NEIL3: variants seen among roughly 807,000 people sequenced by gnomAD.
The protein encoded by NEIL3 is endonuclease 8-like 3.
In NEIL3, 48 loss-of-function variants were observed where a neutral mutation model predicts 57.5. The observed-to-expected ratio is 0.83, with a 90% CI of 0.66 to 1.06. The LOEUF is 1.06. NEIL3 is among the 50% of genes least tolerant of loss of function. The pLI, the probability that NEIL3 is intolerant of heterozygous loss-of-function variation, is 0.00. For synonymous variants in NEIL3, 261 were observed against 253.2 expected, an observed-to-expected ratio of 1.03 and a Z score of -0.29; for missense variants, 717 against 739.1, an observed-to-expected ratio of 0.97 and a Z score of 0.35.
intron 2 of NEIL3, among the ~76,000 whole-genome samples, chr4:177,324,374 T>C (rs969553645): frequency 1.3e-5 from 2 of 152,090 alleles, no homozygotes; most frequent in Non-Finnish European, 2.9e-5. Context: ...GTGCATCTCA[T>C]AGGTTGGGCC....
downstream of NEIL3, among the ~76,000 whole-genome samples, chr4:177,367,028 G>C (rs942889244): frequency 6.6e-6 from 1 of 152,036 alleles, no homozygotes; most frequent in Admixed American, 6.5e-5. Context: ...TTTTTGCTAA[G>C]ATGTTCTAGT....
In NEIL3 at chr4:177,314,882, T is replaced by C. The variant is rs577118837; in HGVS notation, c.156+4773T>C. Among the ~76,000 whole-genome samples, 178 of 151,606 alleles carry C rather than the reference T, an allele frequency of 1.2e-3. 1 individual carries two copies. Among genetic ancestry groups the C allele is most frequent in the Non-Finnish European group, 2.1e-3 (144 of 67,922 alleles). On this transcript the variant is annotated intron_variant, in intron 1 of 9. Transcript: ENST00000264596. ...CACGAGGTCAGGAGATTGAGACCAT[T>C]CTGGCTAACACAGTGAAACCCCGTA... is the stretch of plus-strand genomic sequence containing the variant.
rs1323484512 is a variant in NEIL3 at position 177,356,858 on chromosome 4, C to T, written c.1460+3130C>T. 3 of 152,188 alleles carry T rather than the reference C, an allele frequency of 2.0e-5. No individual in the cohort carries two copies. The East Asian group carries it at 5.8e-4, about 29-fold the overall frequency. 9.4% of individuals were successfully genotyped at this position (152,188 alleles called of 1,614,324 possible). A position where few individuals can be genotyped will look rare whatever the true frequency, so the allele number is the denominator to read the frequency against. ...ACAGTTTAAGTTGTCGATCCAATTACTGTAAACACAGAGCAAAACACAGTG... is the reference window on the plus strand; with the variant it reads ...ACAGTTTAAGTTGTCGATCCAATTATTGTAAACACAGAGCAAAACACAGTG... On this transcript the variant is annotated intron_variant, in intron 8 of 9. Transcript: ENST00000264596.
At chr4:177,347,878 T>G (rs1311315271) in intron 6 of NEIL3, among the ~76,000 whole-genome samples, 1 of 152,200 alleles carries the variant, frequency 6.6e-6, no homozygotes, top group Admixed American at 6.5e-5. Context: ...AAATGAGATA[T>G]TATTAGTTCA....
At chr4:177,310,842 AT>A (rs1369504049) in intron 1 of NEIL3, among the ~76,000 whole-genome samples, 19 of 152,236 alleles carry the variant, frequency 1.2e-4, no homozygotes, top group Admixed American at 6.5e-4. Context: ...TACATGCAAT[AT>A]TGCACTGTAT....
intron 1 of NEIL3, among the ~76,000 whole-genome samples, chr4:177,316,808 G>C (rs1578985834): frequency 6.6e-6 from 1 of 152,160 alleles, no homozygotes; most frequent in African/African-American, 2.4e-5. Context: ...ATTCAGTATA[G>C]TAAGTACTAT....
intron 1 of NEIL3, among the ~76,000 whole-genome samples, chr4:177,318,190 A>G (rs560750753): frequency 6.6e-6 from 1 of 152,168 alleles, no homozygotes; most frequent in Non-Finnish European, 1.5e-5. Flanking sequence ...AGAAATCAGG[A>G]TGGCTAGTTT....
At chr4:177,345,116 G>A (rs1313209889) in intron 6 of NEIL3, among the ~76,000 whole-genome samples, 2 of 152,150 alleles carry the variant, frequency 1.3e-5, no homozygotes, top group Non-Finnish European at 2.9e-5. Flanking sequence ...GCACCGTGAT[G>A]GAAGTGTTGT....
At chr4:177,350,909 G>A (rs537024674) in intron 6 of NEIL3, among the ~76,000 whole-genome samples, 1 of 151,966 alleles carries the variant, frequency 6.6e-6, no homozygotes, top group Non-Finnish European at 1.5e-5. Flanking sequence ...GGGGGTCCAG[G>A]TGAAAACATT....
intron 2 of NEIL3, among the ~76,000 whole-genome samples, chr4:177,329,133 C>T (rs9994906): frequency 0.11 from 17,279 of 151,894 alleles, 1,070 homozygotes; most frequent in Middle Eastern, 0.21. Context: ...TAATAAGCTG[C>T]TATGGAGATA....
At chr4:177,338,483 G>GA (rs1253370760) in intron 4 of NEIL3, among the ~76,000 whole-genome samples, 3 of 152,124 alleles carry the variant, frequency 2.0e-5, no homozygotes, top group Non-Finnish European at 4.4e-5. Flanking sequence ...ATGTTTGATT[G>GA]AAAAAAATCT....
At chr4:177,339,759 C>T (rs1272835431) in intron 4 of NEIL3, 24 bp from the exon 5 acceptor site, 26 of 1,528,048 alleles carry the variant, frequency 1.7e-5, no homozygotes, top group Non-Finnish European at 2.3e-5. Flanking sequence ...TGAAACTAGG[C>T]TCTGCTGTTT....
chr4:177,359,474 T>C (rs1270624425), intron 8 of NEIL3, among the ~76,000 whole-genome samples: 4 of 152,128 alleles, frequency 2.6e-5, no homozygotes, highest in Admixed American at 2.0e-4. Flanking sequence ...TAGAAACAAG[T>C]GTGTAAAAAA....
At position 177,336,279 on chromosome 4, in the gene NEIL3, A is replaced by G; in HGVS notation, c.585A>G (p.Lys195=). 6.2e-7 allele frequency: 1 copy of G among 1,614,236 alleles called. No homozygotes were observed. Among genetic ancestry groups the G allele is most frequent in the South Asian group, 1.1e-5 (1 of 91,084 alleles). ...TGCCTGGAGTAGGGAACATCATCAAAAATGAAGCTCTCTTTGACAGTGGTC... is the reference window on the plus strand; with the variant it reads ...TGCCTGGAGTAGGGAACATCATCAAGAATGAAGCTCTCTTTGACAGTGGTC... The part of the protein sequence containing the change: ...NVLPGVGNII[K]NEALFDSGLH... Residue 195 remains lysine, a synonymous_variant, in exon 4 of 10, where the codon AAA becomes AAG. Transcript: ENST00000264596.
intron 4 of NEIL3, among the ~76,000 whole-genome samples, chr4:177,337,332 A>G (rs1734997722): frequency 2.0e-5 from 3 of 152,158 alleles, no homozygotes. Flanking sequence ...GACTCTATTA[A>G]CTAAATTATC....
At chr4:177,310,639 A>G (rs1734459246) in intron 1 of NEIL3, among the ~76,000 whole-genome samples, 1 of 152,264 alleles carries the variant, frequency 6.6e-6, no homozygotes, top group African/African-American at 2.4e-5. Flanking sequence ...ATTAAGGGGC[A>G]ATGAAACCCA....
intron 2 of NEIL3, 31 bp downstream of exon 2, chr4:177,322,611 T>G (rs200558552): frequency 1.2e-6 from 2 of 1,612,896 alleles, no homozygotes; most frequent in Non-Finnish European, 1.7e-6. Flanking sequence ...ACATCTTATC[T>G]CTCTATATTT....
At chr4:177,365,529 C>T (rs913854976), downstream of NEIL3, among the ~76,000 whole-genome samples, 8 of 152,282 alleles carry the variant, frequency 5.3e-5, no homozygotes, top group African/African-American at 1.9e-4. Flanking sequence ...CCATCAGTCC[C>T]TCCAAAATTT....
At chr4:177,344,435 T>G (rs926095356) in intron 6 of NEIL3, among the ~76,000 whole-genome samples, 1 of 152,210 alleles carries the variant, frequency 6.6e-6, no homozygotes, top group Non-Finnish European at 1.5e-5. Context: ...ACCAATTATC[T>G]AAATCCTCCT....
Sources: allele counts gnomAD v4.1 joint callset (sites outside exome capture counted in the v4.1 genomes callset), GRCh38; gene constraint gnomAD v4.1.1; transcripts MANE v1.5; gene names NCBI Gene and HGNC (gene_info 2026-07-23, HGNC 2026-07-21).